SBF2: variants seen among roughly 807,000 people sequenced by gnomAD.
SBF2 encodes SET binding factor 2, also known as myotubularin-related protein 13.
SBF2 carries 112 observed loss-of-function variants against 225.2 expected under a neutral mutation model. That is an observed-to-expected ratio of 0.50 (90% CI 0.43 to 0.58). SBF2 has a LOEUF of 0.58. Ranked by LOEUF, SBF2 falls within the 20% of genes least tolerant of loss-of-function variation. The probability of loss-of-function intolerance (pLI) is 0.00; values close to 1 mark genes in which losing one functional copy is unlikely to be tolerated. For synonymous variants in SBF2, 763 were observed against 773.3 expected, an observed-to-expected ratio of 0.99 and a Z score of 0.22; for missense variants, 1,996 against 2,206.2, an observed-to-expected ratio of 0.90 and a Z score of 1.91.
At chr11:10,235,442 G>A (rs144020456) in intron 1 of SBF2, among the ~76,000 whole-genome samples, 25 of 151,504 alleles carry the variant, frequency 1.7e-4, no homozygotes, top group Middle Eastern at 3.4e-3. Context: ...CAGGAGAATC[G>A]CTTGAACCCG....
At chr11:9,828,170 G>A (rs1457684905) in intron 28 of SBF2, 1 of 1,289,538 alleles carries the variant, frequency 7.8e-7, no homozygotes, top group African/African-American at 1.5e-5. Flanking sequence ...CAAATGTCCT[G>A]GCACTACCTG....
At chr11:9,882,582 G>A (rs1034157538) in intron 17 of SBF2, among the ~76,000 whole-genome samples, 1 of 152,022 alleles carries the variant, frequency 6.6e-6, no homozygotes, top group African/African-American at 2.4e-5. Context: ...GCCAAGGCGG[G>A]CGGATCACAA....
At chr11:9,834,929 TTACA>T (rs1855641125) in intron 26 of SBF2, among the ~76,000 whole-genome samples, 1 of 152,176 alleles carries the variant, frequency 6.6e-6, no homozygotes, top group Admixed American at 6.5e-5. Context: ...CCATCCTCTG[TTACA>T]TACAAGATCT....
chr11:10,145,933 G>C (rs1291064254), intron 2 of SBF2, among the ~76,000 whole-genome samples: 1 of 151,982 alleles, frequency 6.6e-6, no homozygotes, highest in South Asian at 2.1e-4. Context: ...ACCAACAACA[G>C]CCAAGCTGAA....
At chr11:10,004,711 C>T (rs1055165174) in intron 6 of SBF2, among the ~76,000 whole-genome samples, 5 of 151,910 alleles carry the variant, frequency 3.3e-5, no homozygotes, top group Non-Finnish European at 7.4e-5. Flanking sequence ...AAATGCATAT[C>T]TGATTTCTTC....
At chr11:10,164,714 C>G (rs1280850549) in intron 2 of SBF2, among the ~76,000 whole-genome samples, 1 of 152,140 alleles carries the variant, frequency 6.6e-6, no homozygotes, top group Admixed American at 6.5e-5. Flanking sequence ...CAGCTAAAAA[C>G]AGTCCACAGC....
intron 16 of SBF2, among the ~76,000 whole-genome samples, chr11:9,950,160 A>G (rs199721199): frequency 6.6e-6 from 1 of 151,264 alleles, no homozygotes; most frequent in African/African-American, 2.4e-5. Context: ...AAAAAAAAAA[A>G]GTGTCCTGAG....
At chr11:9,926,897 G>A (rs745969759) in intron 16 of SBF2, among the ~76,000 whole-genome samples, 2 of 152,086 alleles carry the variant, frequency 1.3e-5, no homozygotes, top group Non-Finnish European at 2.9e-5. Flanking sequence ...AAAATGTCGT[G>A]TAGAAATCAA....
intron 1 of SBF2, among the ~76,000 whole-genome samples, chr11:10,227,458 T>A (rs1422255521): frequency 6.6e-6 from 1 of 152,216 alleles, no homozygotes; most frequent in Non-Finnish European, 1.5e-5. Flanking sequence ...GTTTTAGGTC[T>A]AACGTTTAAG....
In SBF2 at chr11:10,272,177, A is replaced by G; in HGVS notation, c.55+21838T>C. 11 of 1,121,436 alleles carry G rather than the reference A, an allele frequency of 9.8e-6. 4 individuals carry two copies. The highest frequency in any genetic ancestry group is 1.4e-5 in the Non-Finnish European group (11 of 803,606). 69.5% of individuals were successfully genotyped at this position (1,121,436 alleles called of 1,614,324 possible). ...TTGAAGCTCTGCAGCTGCCTGAGAG[A>G]CCTTGATCCTCTCCACGCCAGCCTC... On this transcript the variant is annotated intron_variant, in intron 1 of 39. Coordinates refer to ENST00000256190, the MANE Select transcript of SBF2 (RefSeq NM_030962.4).
At chr11:10,153,078 TTC>T (rs1487155465) in intron 2 of SBF2, among the ~76,000 whole-genome samples, 1 of 152,234 alleles carries the variant, frequency 6.6e-6, no homozygotes, top group Non-Finnish European at 1.5e-5. Context: ...ATTCATTTCA[TTC>T]TGTAGATAGT....
chr11:10,294,956 T>G (rs535274572), upstream of SBF2, among the ~76,000 whole-genome samples: 1 of 152,364 alleles, frequency 6.6e-6, no homozygotes, highest in East Asian at 1.9e-4. Context: ...TGCTCAAACA[T>G]GCACAAAAAT....
chr11:9,868,845 T>C (rs1858469781), intron 17 of SBF2, among the ~76,000 whole-genome samples: 2 of 152,228 alleles, frequency 1.3e-5, no homozygotes, highest in Admixed American at 6.5e-5. Context: ...TCAGGCTTGT[T>C]TGGCAAGAGT....
At chr11:10,286,119 C>T (rs911899106) in intron 1 of SBF2, among the ~76,000 whole-genome samples, 1 of 151,914 alleles carries the variant, frequency 6.6e-6, no homozygotes, top group African/African-American at 2.4e-5. Context: ...TGAGCTACCA[C>T]GCCCAGCCAA....
chr11:10,172,001 A>C (rs1161913333), intron 2 of SBF2, among the ~76,000 whole-genome samples: 1 of 152,026 alleles, frequency 6.6e-6, no homozygotes, highest in African/African-American at 2.4e-5. Context: ...TCTTCTTTTT[A>C]ATCTCTGGTT....
intron 32 of SBF2, among the ~76,000 whole-genome samples, chr11:9,800,532 G>A (rs1034461757): frequency 2.6e-5 from 4 of 151,636 alleles, no homozygotes; most frequent in African/African-American, 4.8e-5. Flanking sequence ...TCAGCCTCCC[G>A]AGTAGCTGGG....
At chr11:10,289,387 G>C (rs897627955) in intron 1 of SBF2, among the ~76,000 whole-genome samples, 1 of 152,176 alleles carries the variant, frequency 6.6e-6, no homozygotes, top group East Asian at 1.9e-4. Flanking sequence ...CACCCAGGAG[G>C]GCGGGGCTGC....
intron 16 of SBF2, among the ~76,000 whole-genome samples, chr11:9,951,551 G>A (rs576148402): frequency 2.5e-4 from 38 of 152,252 alleles, no homozygotes; most frequent in African/African-American, 8.2e-4. Context: ...GATCTAAAGA[G>A]GCAAATGAAA....
At chr11:10,206,626 T>C (rs1957759691) in intron 1 of SBF2, among the ~76,000 whole-genome samples, 1 of 151,722 alleles carries the variant, frequency 6.6e-6, no homozygotes, top group Admixed American at 6.6e-5. Flanking sequence ...AAATGAAAAA[T>C]AGAAATATCA....
Sources: gnomAD v4.1 joint callset for allele counts (sites outside exome capture counted in the v4.1 genomes callset) on GRCh38, gnomAD v4.1.1 for gene constraint, MANE v1.5 for transcripts, NCBI Gene and HGNC (gene_info 2026-07-23, HGNC 2026-07-21) for gene names.